MGA: variants seen among roughly 807,000 people sequenced by gnomAD.
The protein encoded by MGA is MAX gene-associated protein.
In MGA, 40 loss-of-function variants were observed where a neutral mutation model predicts 261.1. The ratio of observed to expected loss-of-function variants is 0.15; its 90% CI spans 0.12 to 0.20. MGA has a LOEUF of 0.20. Among genes scored for constraint, MGA ranks in the 10% least tolerant of loss-of-function variants. MGA has a pLI of 1.00. For synonymous variants in MGA, 1,302 were observed against 1,290.6 expected, an observed-to-expected ratio of 1.01 and a Z score of -0.19; for missense variants, 3,397 against 3,630.5, an observed-to-expected ratio of 0.94 and a Z score of 1.65.
chr15:41,681,298 A>C (rs2058659659), intron 2 of MGA, among the ~76,000 whole-genome samples: 1 of 151,986 alleles, frequency 6.6e-6, no homozygotes, highest in Non-Finnish European at 1.5e-5. Flanking sequence ...CATAATGCCA[A>C]ATAATTATCA....
In MGA at chr15:41,668,889, GA is replaced by G. The variant is rs1368544879; in HGVS notation, c.-3del. 2 of 1,541,584 alleles carry G rather than the reference GA, an allele frequency of 1.3e-6. No individual in the cohort carries two copies. Among genetic ancestry groups the G allele is most frequent in the African/African-American group, 2.7e-5 (2 of 73,194 alleles). On this transcript the variant is annotated 5_prime_UTR_variant, in exon 2 of 24. Transcript: ENST00000219905. The stretch of plus-strand genomic sequence containing the variant: ...TTGTCTTACTACTGAGTTTCCTACT[GA>G]AATCATGGAGGAGAAACAGCAGATT...
intron 1 of MGA, among the ~76,000 whole-genome samples, chr15:41,665,913 T>G (rs2057708153): frequency 6.6e-6 from 1 of 152,068 alleles, no homozygotes; most frequent in Non-Finnish European, 1.5e-5. Flanking sequence ...TAATTTTAAC[T>G]TTATTTTTTA....
intron 13 of MGA, among the ~76,000 whole-genome samples, chr15:41,737,977 C>CAA (rs578231218): frequency 7.3e-6 from 1 of 137,818 alleles, no homozygotes; most frequent in Non-Finnish European, 1.6e-5. Flanking sequence ...GAGATTGTCT[C>CAA]AAAAAAAAAA....
chr15:41,696,653 A>C lies in MGA; in HGVS notation c.1643A>C (p.Glu548Ala). The C allele has an allele frequency of 6.2e-7, 1 of 1,613,200 alleles. No individual in the cohort carries two copies. Among genetic ancestry groups the C allele is most frequent in the Non-Finnish European group, 8.5e-7 (1 of 1,179,492 alleles). Residue 548 changes from glutamate to alanine, a missense_variant, in exon 3 of 24, where the codon GAG (glutamate) becomes GCG (alanine). By Grantham distance (107) the Glu-to-Ala change is moderately radical (BLOSUM62 -1). Coordinates refer to ENST00000219905, the MANE Select transcript of MGA (RefSeq NM_001164273.2). ...GTACAAAAATATCCCTTACTGAAAG[A>C]GCCTCAGTGGAAATATCCTGATATA...
chr15:41,652,587 G>T (rs2057089920), intron 1 of MGA, among the ~76,000 whole-genome samples: 1 of 150,618 alleles, frequency 6.6e-6, no homozygotes, highest in Admixed American at 6.6e-5. Context: ...TGCCAGGCTG[G>T]TCTCTAGCTT....
At chr15:41,694,154 A>T (rs2059429473) in intron 2 of MGA, among the ~76,000 whole-genome samples, 1 of 152,120 alleles carries the variant, frequency 6.6e-6, no homozygotes, top group Admixed American at 6.5e-5. Flanking sequence ...GTGGTGGCTC[A>T]CACCTGTAAT....
intron 1 of MGA, among the ~76,000 whole-genome samples, chr15:41,627,438 A>G (rs999431898): frequency 6.6e-6 from 1 of 152,110 alleles, no homozygotes; most frequent in South Asian, 2.1e-4. Context: ...TTTCTGTAGC[A>G]TGTTACTCAA....
At chr15:41,638,688 CTTTTTTT>C (rs761492514) in intron 1 of MGA, among the ~76,000 whole-genome samples, 248 of 115,646 alleles carry the variant, frequency 2.1e-3, no homozygotes, top group Admixed American at 4.7e-3. Context: ...TTTTCTTTTT[CTTTTTTT>C]TTTTTTTTTT....
chr15:41,727,118 G>C, intron 9 of MGA, 62 bp from the exon 10 acceptor site: 1 of 1,312,602 alleles, frequency 7.6e-7, no homozygotes, highest in Non-Finnish European at 1.0e-6. Flanking sequence ...TTTTGGCAGT[G>C]CCTCAGTATT....
intron 1 of MGA, among the ~76,000 whole-genome samples, chr15:41,635,420 C>T (rs1595548389): frequency 6.6e-6 from 1 of 151,332 alleles, no homozygotes; most frequent in Non-Finnish European, 1.5e-5. Flanking sequence ...CACACACACA[C>T]AAAATAAGGC....
Position 41,742,898 on chromosome 15 carries a change from C to T in MGA, c.4938C>T (p.Ser1646=). The change falls in exon 15 of 24, where the codon AGC becomes AGT. Residue 1646 remains serine, a synonymous_variant. Transcript: ENST00000219905. ...TTGAGGTCTCTGAAACTAATACCAG[C>T]ACCTCTGTAACATCTACCCAGTCTA... The T allele has an allele frequency of 6.2e-7, 1 of 1,614,004 alleles. No individual in the cohort carries two copies. The highest frequency in any genetic ancestry group is 8.5e-7 in the Non-Finnish European group (1 of 1,179,888).
intron 12 of MGA, 62 bp downstream of exon 12, chr15:41,734,656 TAATG>T: frequency 3.9e-6 from 5 of 1,267,436 alleles, no homozygotes; most frequent in Middle Eastern, 3.7e-4. Flanking sequence ...ATTATAGTAA[TAATG>T]GGAGAAAACC....
At chr15:41,630,553 G>C (rs2056566997) in intron 1 of MGA, among the ~76,000 whole-genome samples, 1 of 152,154 alleles carries the variant, frequency 6.6e-6, no homozygotes, top group African/African-American at 2.4e-5. Flanking sequence ...ATTATGTCAA[G>C]TTGTTGGTTT....
chr15:41,735,759 T>C (rs1391826316), intron 12 of MGA, among the ~76,000 whole-genome samples: 1 of 152,148 alleles, frequency 6.6e-6, no homozygotes, highest in African/African-American at 2.4e-5. Context: ...CAGAATACTA[T>C]TTTTCTTGCT....
At chr15:41,728,058 G>A (rs866106280) in intron 10 of MGA, among the ~76,000 whole-genome samples, 1 of 152,146 alleles carries the variant, frequency 6.6e-6, no homozygotes, top group Admixed American at 6.5e-5. Flanking sequence ...GGCCGGGCGC[G>A]GTGGCTCACG....
chr15:41,764,402 C>T (rs1480693866), intron 22 of MGA, among the ~76,000 whole-genome samples: 2 of 151,850 alleles, frequency 1.3e-5, no homozygotes, highest in African/African-American at 2.4e-5. Flanking sequence ...TACAGGCGCC[C>T]GCCACCACGC....
chr15:41,646,565 C>T (rs961884666), intron 1 of MGA, among the ~76,000 whole-genome samples: 2 of 151,932 alleles, frequency 1.3e-5, no homozygotes, highest in Non-Finnish European at 2.9e-5. Context: ...TCAAGTGATC[C>T]ACCCACCTTG....
At chr15:41,705,533 T>A (rs904479240) in intron 5 of MGA, among the ~76,000 whole-genome samples, 2 of 152,190 alleles carry the variant, frequency 1.3e-5, no homozygotes, top group Non-Finnish European at 2.9e-5. Flanking sequence ...AGCTAATTTT[T>A]AAATTTTTTG....
intron 15 of MGA, among the ~76,000 whole-genome samples, chr15:41,746,726 T>A (rs2062509916): frequency 6.6e-6 from 1 of 152,012 alleles, no homozygotes; most frequent in South Asian, 2.1e-4. Flanking sequence ...TGATATTTTT[T>A]TGTGTGGGCA....
Sources: gnomAD v4.1 joint callset for allele counts (sites outside exome capture counted in the v4.1 genomes callset) on GRCh38, gnomAD v4.1.1 for gene constraint, MANE v1.5 for transcripts, NCBI Gene and HGNC (gene_info 2026-07-23, HGNC 2026-07-21) for gene names.